CBLB: variants seen among roughly 807,000 people sequenced by gnomAD.
CBLB encodes the protein Cbl proto-oncogene B.
Under a neutral mutation model 104.9 loss-of-function variants are expected in CBLB, and 31 were observed. The ratio of observed to expected loss-of-function variants is 0.30; its 90% CI spans 0.22 to 0.40. The LOEUF is 0.40. Among genes scored for constraint, CBLB ranks in the 10% least tolerant of loss-of-function variants. CBLB has a pLI of 1.00. For missense variants in CBLB, 1,062 were observed against 1,214.6 expected, an observed-to-expected ratio of 0.87 and a Z score of 1.87; for synonymous variants, 440 against 422.6, an observed-to-expected ratio of 1.04 and a Z score of -0.51.
At chr3:105,681,339 C>T (rs1204827936) in intron 16 of CBLB, 140 bp downstream of exon 16, 18 of 768,058 alleles carry the variant, frequency 2.3e-5, no homozygotes, top group South Asian at 6.8e-5. Flanking sequence ...TGGGAGTCAC[C>T]GGCACCTGGA....
intron 4 of CBLB, among the ~76,000 whole-genome samples, chr3:105,765,186 A>C (rs569602966): frequency 6.6e-6 from 1 of 152,316 alleles, no homozygotes; most frequent in African/African-American, 2.4e-5. Flanking sequence ...GATGAAAGAA[A>C]ATGCTATCTA....
chr3:105,740,365 G>T, intron 7 of CBLB, 129 bp downstream of exon 7: 1 of 902,550 alleles, frequency 1.1e-6, no homozygotes, highest in Non-Finnish European at 1.8e-6. Flanking sequence ...AAAAAACTAA[G>T]GAACATCCAT....
chr3:105,690,750 A>G (rs1468887114), intron 13 of CBLB, among the ~76,000 whole-genome samples: 1 of 150,440 alleles, frequency 6.6e-6, no homozygotes, highest in Non-Finnish European at 1.5e-5. Context: ...TGAACCCAGG[A>G]GGCAGAGGTT....
intron 3 of CBLB, among the ~76,000 whole-genome samples, chr3:105,821,894 G>A (rs577506025): frequency 1.1e-4 from 16 of 152,190 alleles, no homozygotes; most frequent in African/African-American, 3.6e-4. Flanking sequence ...TAAATGAACA[G>A]AGATGTGAAG....
At chr3:105,811,570 A>G (rs1258972697) in intron 3 of CBLB, among the ~76,000 whole-genome samples, 1 of 152,230 alleles carries the variant, frequency 6.6e-6, no homozygotes, top group Non-Finnish European at 1.5e-5. Context: ...TACTATTGAT[A>G]TTGTGCTACA....
At chr3:105,712,815 T>C (rs1393692839) in intron 10 of CBLB, among the ~76,000 whole-genome samples, 2 of 152,314 alleles carry the variant, frequency 1.3e-5, no homozygotes, top group Non-Finnish European at 2.9e-5. Context: ...GTTAAAGAAA[T>C]ACAACCAATT....
chr3:105,660,403 G>T (rs1273139585), intron 18 of CBLB, among the ~76,000 whole-genome samples: 7 of 151,778 alleles, frequency 4.6e-5, no homozygotes, highest in Non-Finnish European at 1.0e-4. Context: ...TGTTGATCAG[G>T]CTGGTCTTGA....
chr3:105,758,409 C>T (rs2077272302), intron 4 of CBLB, among the ~76,000 whole-genome samples: 1 of 152,186 alleles, frequency 6.6e-6, no homozygotes, highest in African/African-American at 2.4e-5. Flanking sequence ...AAGCTCATAA[C>T]ACTTTGTCTC....
At position 105,702,237 on chromosome 3, in the gene CBLB, C is replaced by T; in HGVS notation, c.1816G>A (p.Gly606Arg). The change falls in exon 12 of 19, where the codon GGA becomes AGA. Residue 606 changes from glycine to arginine, a missense_variant. Around this residue, in one of 2 missense-constraint regions of CBLB, gnomAD observed 605 missense variants for 582.6 expected, o/e 1.04. Coordinates refer to ENST00000394030, the MANE Select transcript of CBLB (RefSeq NM_170662.5). ...RDVFGTNQLV[G>R]CRLLGEGSPK... ...GAGCCCTCCCCTAGGAGTCGACATCCCACAAGCTGATTAGTCCCAAACACA... is the reference window on the plus strand; with the variant it reads ...GAGCCCTCCCCTAGGAGTCGACATCTCACAAGCTGATTAGTCCCAAACACA... 4 of 1,614,034 alleles carry T rather than the reference C, an allele frequency of 2.5e-6. No homozygotes were observed. Among genetic ancestry groups the T allele is most frequent in the Non-Finnish European group, 3.4e-6 (4 of 1,179,982 alleles).
At chr3:105,666,941 T>A (rs1005877341) in intron 18 of CBLB, among the ~76,000 whole-genome samples, 1 of 152,176 alleles carries the variant, frequency 6.6e-6, no homozygotes, top group South Asian at 2.1e-4. Context: ...TAAAGACACA[T>A]AATCTACCTT....
At chr3:105,752,968 A>G (rs2076726289) in intron 4 of CBLB, among the ~76,000 whole-genome samples, 1 of 152,220 alleles carries the variant, frequency 6.6e-6, no homozygotes, top group African/African-American at 2.4e-5. Context: ...GGGAAATACA[A>G]TTATAGAAAT....
chr3:105,807,710 T>C (rs1361578037), intron 3 of CBLB, among the ~76,000 whole-genome samples: 1 of 152,154 alleles, frequency 6.6e-6, no homozygotes, highest in Non-Finnish European at 1.5e-5. Flanking sequence ...AAAACAAAAC[T>C]GAGATCCTTC....
intron 3 of CBLB, among the ~76,000 whole-genome samples, chr3:105,842,541 G>A (rs908843028): frequency 6.6e-6 from 1 of 151,980 alleles, no homozygotes; most frequent in Non-Finnish European, 1.5e-5. Context: ...TCAATATACC[G>A]CTACCTTTGT....
At chr3:105,799,304 A>C (rs1275998895) in intron 3 of CBLB, among the ~76,000 whole-genome samples, 1 of 152,030 alleles carries the variant, frequency 6.6e-6, no homozygotes, top group Admixed American at 6.6e-5. Context: ...ACAAACAAGG[A>C]TATTTTGGGT....
chr3:105,742,937 CATT>C (rs1195549963), intron 6 of CBLB, among the ~76,000 whole-genome samples: 1 of 152,024 alleles, frequency 6.6e-6, no homozygotes, highest in Non-Finnish European at 1.5e-5. Context: ...TTCTAAAACT[CATT>C]ATTATACAGA....
intron 10 of CBLB, among the ~76,000 whole-genome samples, chr3:105,705,778 A>G (rs73195955): frequency 0.038 from 5,785 of 152,274 alleles, 165 homozygotes; most frequent in Non-Finnish European, 0.057. Context: ...TTTGCAAGGA[A>G]GTCACTGCAC....
At chr3:105,800,068 C>T (rs894147769) in intron 3 of CBLB, among the ~76,000 whole-genome samples, 4 of 152,154 alleles carry the variant, frequency 2.6e-5, no homozygotes, top group Admixed American at 1.3e-4. Flanking sequence ...GTCTGAAGAT[C>T]TGAGTTCTAG....
intron 4 of CBLB, among the ~76,000 whole-genome samples, chr3:105,759,584 C>T (rs112643731): frequency 7.9e-5 from 12 of 152,296 alleles, no homozygotes; most frequent in Non-Finnish European, 1.6e-4. Flanking sequence ...GAAAGGGATG[C>T]GGTGGCAGGG....
intron 3 of CBLB, among the ~76,000 whole-genome samples, chr3:105,794,892 C>T (rs1282003018): frequency 6.6e-6 from 1 of 151,752 alleles, no homozygotes; most frequent in Non-Finnish European, 1.5e-5. Flanking sequence ...AAGACATGCA[C>T]AGAACCTTCT....
Sources: allele counts gnomAD v4.1 joint callset (sites outside exome capture counted in the v4.1 genomes callset), GRCh38; gene constraint gnomAD v4.1.1; regional missense constraint gnomAD v4.1.1; transcripts MANE v1.5; gene names NCBI Gene and HGNC (gene_info 2026-07-23, HGNC 2026-07-21).